The following CD2AP variants were observed in gnomAD, a reference collection of about 807,000 sequenced individuals.
The protein encoded by CD2AP is CD2 associated protein, also known as CD2-associated protein.
In CD2AP, 46 loss-of-function variants were observed where a neutral mutation model predicts 85.1. The ratio of observed to expected loss-of-function variants is 0.54; its 90% CI spans 0.43 to 0.69. The LOEUF (loss-of-function observed/expected upper bound fraction) is 0.69, where lower values mean the gene tolerates loss of function less well. CD2AP is among the 30% of genes least tolerant of loss of function. The probability of loss-of-function intolerance (pLI) is 0.00; values close to 1 mark genes in which losing one functional copy is unlikely to be tolerated. For missense variants in CD2AP, 769 were observed against 729.5 expected (o/e 1.05, Z -0.62); for synonymous variants, 255 against 252.9 (o/e 1.01, Z -0.08).
At chr6:47,546,372 A>G (rs917090911) in intron 4 of CD2AP, among the ~76,000 whole-genome samples, 4 of 152,192 alleles carry the variant, frequency 2.6e-5, no homozygotes, top group Admixed American at 2.6e-4. Context: ...ACCAAACGTA[A>G]GAATAGTTGG....
intron 2 of CD2AP, among the ~76,000 whole-genome samples, chr6:47,524,398 G>T (rs918600595): frequency 3.9e-5 from 6 of 152,016 alleles, no homozygotes; most frequent in African/African-American, 1.4e-4. Context: ...TGTTTTTTCC[G>T]TTAGAAGAAA....
chr6:47,509,455 C>T (rs1766261244), intron 2 of CD2AP, among the ~76,000 whole-genome samples: 1 of 147,252 alleles, frequency 6.8e-6, no homozygotes, highest in South Asian at 2.2e-4. Context: ...AAAAAAAATT[C>T]AGTTATTTGT....
In CD2AP at chr6:47,554,666, T is replaced by C; in HGVS notation, c.441T>C (p.Ser147=). 6.2e-7 allele frequency: 1 copy of C among 1,613,726 alleles called. No homozygotes were observed. Among genetic ancestry groups the C allele is most frequent in the South Asian group, 1.1e-5 (1 of 91,070 alleles). The change falls in exon 5 of 18, where the codon AGT becomes AGC. Residue 147 remains serine (S), a synonymous_variant. Transcript: ENST00000359314. ...TTCAGGTAGAAGAAGGCTGGTGGAG[T>C]GGAACCCTGAATAACAAGTTGGGAC... ...INEEVEEGWW[S]GTLNNKLGLF...
chr6:47,521,849 C>T (rs1338925375), intron 2 of CD2AP, among the ~76,000 whole-genome samples: 1 of 151,692 alleles, frequency 6.6e-6, no homozygotes, highest in Non-Finnish European at 1.5e-5. Flanking sequence ...AATCCCGTCT[C>T]TACTAAAAAT....
intron 3 of CD2AP, among the ~76,000 whole-genome samples, chr6:47,537,429 C>G (rs1767081498): frequency 1.3e-5 from 2 of 152,078 alleles, no homozygotes; most frequent in Admixed American, 1.3e-4. Flanking sequence ...CCCTCTTGAA[C>G]AGGGTAGGCT....
rs148200489 is a variant in CD2AP, at chr6:47,573,013, T to C, written c.542-1051T>C. On this transcript the variant is annotated intron_variant, in intron 5 of 17. Transcript: ENST00000359314. ...CTTAAATGTTTCTGGATTTTTACTC[T>C]AGAACTTTGTTTCTTACTTAGATTA... Among the ~76,000 whole-genome samples, 11 of 152,320 alleles carry C rather than the reference T, an allele frequency of 7.2e-5. No homozygotes were observed. The East Asian group carries it at 1.9e-3, about 27-fold the overall frequency.
intron 4 of CD2AP, among the ~76,000 whole-genome samples, chr6:47,550,817 T>C (rs1299703357): frequency 6.6e-6 from 1 of 151,982 alleles, no homozygotes; most frequent in Non-Finnish European, 1.5e-5. Flanking sequence ...AAAGAAACCG[T>C]GGTATGTATA....
intron 3 of CD2AP, among the ~76,000 whole-genome samples, chr6:47,541,013 TTTAAA>T (rs1210495219): frequency 6.6e-6 from 1 of 152,270 alleles, no homozygotes. Flanking sequence ...CAAAAAACTA[TTTAAA>T]TTACTTAAAA....
chr6:47,512,107 G>A lies in CD2AP; in HGVS notation c.165+8667G>A, dbSNP rs916834773. ...CGGGAGGCGGAGCTTGCAGTGAGCCGAGATCGCGCCACTGCACTCCAGCCT... is the reference window on the plus strand; with the variant it reads ...CGGGAGGCGGAGCTTGCAGTGAGCCAAGATCGCGCCACTGCACTCCAGCCT... On this transcript the variant is annotated intron_variant, in intron 2 of 17. Transcript: ENST00000359314. Among the ~76,000 whole-genome samples the A allele has an allele frequency of 3.3e-5, 5 of 152,008 alleles. No homozygotes were observed. The South Asian group carries it at 6.2e-4, about 19-fold the overall frequency.
chr6:47,612,637 C>T, intron 17 of CD2AP, 101 bp downstream of exon 17: 1 of 775,944 alleles, frequency 1.3e-6, no homozygotes, highest in Non-Finnish European at 2.3e-6. Context: ...TTATGCTATA[C>T]TACTTCAGTT....
chr6:47,515,307 T>C (rs578072282), intron 2 of CD2AP, among the ~76,000 whole-genome samples: 3 of 152,298 alleles, frequency 2.0e-5, no homozygotes, highest in African/African-American at 7.2e-5. Context: ...TAAATTAATC[T>C]GAATGAGAAG....
intron 1 of CD2AP, among the ~76,000 whole-genome samples, chr6:47,501,200 AAT>A (rs1765989002): frequency 6.6e-6 from 1 of 152,208 alleles, no homozygotes; most frequent in Admixed American, 6.5e-5. Context: ...CAGGCTGAGT[AAT>A]ATAGCCAGAC....
intron 4 of CD2AP, among the ~76,000 whole-genome samples, chr6:47,548,248 A>G (rs570864314): frequency 7.2e-5 from 11 of 152,268 alleles, no homozygotes; most frequent in Admixed American, 3.9e-4. Context: ...AATACAAAAG[A>G]TAAATGAAAC....
At chr6:47,534,995 C>T (rs1766990335) in intron 3 of CD2AP, among the ~76,000 whole-genome samples, 1 of 151,950 alleles carries the variant, frequency 6.6e-6, no homozygotes, top group East Asian at 1.9e-4. Flanking sequence ...TGGGGTTTTG[C>T]CATGTTGCCT....
chr6:47,530,429 T>A (rs1766843312), intron 2 of CD2AP, among the ~76,000 whole-genome samples: 1 of 152,352 alleles, frequency 6.6e-6, no homozygotes, highest in East Asian at 1.9e-4. Context: ...TACATTAGTT[T>A]GTATTTTCTA....
chr6:47,535,291 CA>C (rs1767007412), intron 3 of CD2AP, among the ~76,000 whole-genome samples: 1 of 152,174 alleles, frequency 6.6e-6, no homozygotes, highest in South Asian at 2.1e-4. Flanking sequence ...TATTTAATCA[CA>C]TTTACTTTAA....
intron 1 of CD2AP, among the ~76,000 whole-genome samples, chr6:47,495,919 C>CCATACCATAA (rs1765846879): frequency 6.6e-6 from 1 of 152,170 alleles, no homozygotes; most frequent in Admixed American, 6.5e-5. Flanking sequence ...TTATACCATA[C>CCATACCATAA]AAGGATCTTG....
Position 47,574,192 on chromosome 6 carries a change from T to G in CD2AP, c.670T>G (p.Ser224Ala). 6.2e-7 allele frequency: 1 copy of G among 1,614,048 alleles called. No individual in the cohort carries two copies. Among genetic ancestry groups the G allele is most frequent in the Non-Finnish European group, 8.5e-7 (1 of 1,179,964 alleles). Reference sequence around the variant, plus strand: ...ATTTGGAGACATTTTTAAAGAAGGCTCTGTGAAACTTCGGACAAGAACATC... The same window carrying G: ...ATTTGGAGACATTTTTAAAGAAGGCGCTGTGAAACTTCGGACAAGAACATC... Reference protein sequence around the residue: ...IGFGDIFKEGSVKLRTRTSSS... With the variant: ...IGFGDIFKEGAVKLRTRTSSS... Residue 224 changes from serine to alanine, a missense_variant, in exon 6 of 18, where the codon TCT (serine) becomes GCT (alanine). Coordinates refer to ENST00000359314, the MANE Select transcript of CD2AP (RefSeq NM_012120.3).
intron 1 of CD2AP, among the ~76,000 whole-genome samples, chr6:47,489,971 T>G (rs1242187018): frequency 3.2e-5 from 3 of 92,814 alleles, no homozygotes; most frequent in Non-Finnish European, 8.0e-5. Flanking sequence ...AAGAGACTTT[T>G]TTTTTTTTTT....
Sources: gnomAD v4.1 joint callset for allele counts (sites outside exome capture counted in the v4.1 genomes callset) on GRCh38, gnomAD v4.1.1 for gene constraint, MANE v1.5 for transcripts, NCBI Gene and HGNC (gene_info 2026-07-23, HGNC 2026-07-21) for gene names.